Variants in NOA1 observed in about 807,000 individuals in gnomAD.
The protein encoded by NOA1 is nitric oxide-associated protein 1.
Under a neutral mutation model 58.4 loss-of-function variants are expected in NOA1, and 35 were observed. The observed-to-expected ratio is 0.60, with a 90% confidence interval of 0.46 to 0.79. NOA1 has a LOEUF of 0.79. NOA1 is among the 30% of genes least tolerant of loss of function. The pLI is 0.00. For synonymous variants in NOA1, 397 were observed against 373.4 expected, an observed-to-expected ratio of 1.06 and a Z score of -0.73; for missense variants, 895 against 894.6, an observed-to-expected ratio of 1.00 and a Z score of -0.01.
intron 5 of NOA1, among the ~76,000 whole-genome samples, chr4:56,965,365 A>G (rs1194494821): frequency 1.3e-5 from 2 of 152,124 alleles, no homozygotes; most frequent in Non-Finnish European, 2.9e-5. Context: ...CACTAAGAAC[A>G]CAAAGATAGA....
chr4:56,967,219 A>C (rs972477802), intron 4 of NOA1, among the ~76,000 whole-genome samples: 4 of 151,980 alleles, frequency 2.6e-5, no homozygotes, highest in African/African-American at 9.7e-5. Flanking sequence ...GTCTCTATAA[A>C]AAATACAAAA....
In NOA1 at chr4:56,977,501, C is replaced by G; in HGVS notation, c.85G>C (p.Glu29Gln). 1.2e-6 allele frequency: 2 copies of G among 1,613,646 alleles called. No homozygotes were observed. The highest frequency in any genetic ancestry group is 1.1e-5 in the South Asian group (1 of 91,080). The change falls in exon 1 of 7, where the codon GAG becomes CAG. Residue 29 changes from glutamate to glutamine, a missense_variant. Transcript: ENST00000264230. The part of the protein sequence containing the change: ...APTAARHGLR[E>Q]PLLERRCAAA... ...GCGCACCTCCTCTCCAGGAGCGGCT[C>G]CCGGAGGCCATGGCGCGCTGCCGTG...
chr4:56,975,006 GA>G (rs1182290583), intron 1 of NOA1, among the ~76,000 whole-genome samples: 1 of 149,078 alleles, frequency 6.7e-6, no homozygotes, highest in Non-Finnish European at 1.5e-5. Flanking sequence ...CCTGGCCACA[GA>G]AGTTTCTTAA....
intron 4 of NOA1, 27 bp from the exon 5 acceptor site, chr4:56,966,763 C>T: frequency 2.0e-6 from 3 of 1,482,022 alleles, no homozygotes; most frequent in Non-Finnish European, 2.8e-6. Flanking sequence ...GTTATCTGAC[C>T]TGGTGAAAAA....
intron 3 of NOA1, 84 bp from the exon 4 acceptor site, chr4:56,968,599 A>T: frequency 1.8e-6 from 2 of 1,142,470 alleles, no homozygotes; most frequent in Non-Finnish European, 2.5e-6. Flanking sequence ...ATAAAAAGTG[A>T]TGAAAAATAT....
chr4:56,966,898 A>G (rs1721721638), intron 4 of NOA1, among the ~76,000 whole-genome samples, 162 bp from the exon 5 acceptor site: 1 of 152,214 alleles, frequency 6.6e-6, no homozygotes, highest in South Asian at 2.1e-4. Flanking sequence ...ATTATTACTA[A>G]GAACAGGGGC....
In NOA1 at chr4:56,963,648, T is replaced by TA; in HGVS notation, c.1898dup (p.Thr634AsnfsTer3). On this transcript the variant is annotated frameshift_variant, in exon 7 of 7. Transcript: ENST00000264230. LOFTEE classifies it high-confidence loss of function. Reference sequence around the variant, plus strand: ...GCAGTCTGTCCTTAAAATTAGGTGTTACTGAAACCCAACCTATGCAGGCAT... The same window carrying TA: ...GCAGTCTGTCCTTAAAATTAGGTGTTAACTGAAACCCAACCTATGCAGGCAT... The TA allele has an allele frequency of 6.2e-7, 1 of 1,614,036 alleles. No homozygotes were observed. Among genetic ancestry groups the TA allele is most frequent in the Non-Finnish European group, 8.5e-7 (1 of 1,179,954 alleles).
rs750852463 is a variant in NOA1 at position 56,968,524 on chromosome 4, C to G, written c.1516-9G>C. On this transcript the variant is annotated splice_polypyrimidine_tract_variant and intron_variant, in intron 3 of 6. Transcript: ENST00000264230. ...GTTAGAAGATTTAAAATCTGTGAAG[C>G]AAATGGCAGATTTTTAAGAAAATAC... The G allele has an allele frequency of 2.6e-6, 4 of 1,553,296 alleles. No homozygotes were observed. In the Admixed American group the frequency reaches 7.8e-5, roughly 30 times the overall value.
chr4:56,968,900 A>C (rs1434449575), intron 3 of NOA1, among the ~76,000 whole-genome samples: 1 of 152,230 alleles, frequency 6.6e-6, no homozygotes, highest in Non-Finnish European at 1.5e-5. Context: ...CGCTTAAAGT[A>C]ATGGTATACG....
rs141467031 is a variant in NOA1, at chr4:56,963,710, T to C, written c.1886-49A>G. Reference sequence around the variant, plus strand: ...CAAAAGGCTGTTAGCAATCATCTTATTAAAAATACCAAACCAAAGCTGAAA... The same window carrying C: ...CAAAAGGCTGTTAGCAATCATCTTACTAAAAATACCAAACCAAAGCTGAAA... On this transcript the variant is annotated intron_variant, in intron 6 of 6. Transcript: ENST00000264230. The C allele has an allele frequency of 8.1e-5, 117 of 1,440,964 alleles. No homozygotes were observed. The African/African-American group carries it at 1.4e-3, about 17-fold the overall frequency. 89.3% of individuals were successfully genotyped at this position (1,440,964 alleles called of 1,614,324 possible). A position where few individuals can be genotyped will look rare whatever the true frequency, so the allele number is the denominator to read the frequency against.
At chr4:56,969,635 AAAT>A (rs777122217) in intron 3 of NOA1, among the ~76,000 whole-genome samples, 10 of 152,124 alleles carry the variant, frequency 6.6e-5, no homozygotes, top group Admixed American at 1.3e-4. Context: ...GCTCACAAAA[AAAT>A]AATAAGGGGG....
At position 56,975,992 on chromosome 4, in the gene NOA1, A is replaced by T. The variant is rs6846308; in HGVS notation, c.1144+450T>A. 1.4e-3 allele frequency among the ~76,000 whole-genome samples: 211 copies of T among 152,274 alleles called. 2 individuals are homozygous for T. Among genetic ancestry groups the T allele is most frequent in the African/African-American group, 4.8e-3 (201 of 41,546 alleles). On this transcript the variant is annotated intron_variant, in intron 1 of 6. Coordinates refer to ENST00000264230, the MANE Select transcript of NOA1 (RefSeq NM_032313.4). The stretch of plus-strand genomic sequence containing the variant: ...AACCCGGGAGGCGGAGGTTGCAGTG[A>T]GCCGAGATCACGCCACTGCACTCCA...
intron 1 of NOA1, among the ~76,000 whole-genome samples, chr4:56,975,397 G>A (rs976692234): frequency 2.0e-5 from 3 of 151,926 alleles, no homozygotes; most frequent in East Asian, 4.0e-4. Flanking sequence ...TTGGGAGGAC[G>A]AGGTGGGCAG....
intron 2 of NOA1, 85 bp from the exon 3 acceptor site, chr4:56,973,438 T>C: frequency 1.7e-6 from 2 of 1,151,458 alleles, no homozygotes; most frequent in Non-Finnish European, 2.6e-6. Flanking sequence ...CTCAAACAAG[T>C]TACTAAGATT....
rs991640958 is a variant in NOA1 at position 56,977,243 on chromosome 4, G to C, written c.343C>G (p.Gln115Glu). The C allele has an allele frequency of 6.3e-7, 1 of 1,598,864 alleles. No homozygotes were observed. The highest frequency in any genetic ancestry group is 8.5e-7 in the Non-Finnish European group (1 of 1,173,792). The change falls in exon 1 of 7, where the codon CAA becomes GAA. Residue 115 changes from glutamine (Q) to glutamate (E), a missense_variant. Coordinates refer to ENST00000264230, the MANE Select transcript of NOA1 (RefSeq NM_032313.4). ...TCCCGGGACCTGGCCCGTAGGTTTT[G>C]CTGTCGCCGCTCCTCCCGCCGCTGC... is the stretch of plus-strand genomic sequence containing the variant. ...RQQRREERRQ[Q>E]NLRARSREHP...
rs772342772 is a variant in NOA1, at chr4:56,976,889, C to G, written c.697G>C (p.Asp233His). 1.9e-6 allele frequency: 3 copies of G among 1,612,808 alleles called. No homozygotes were observed. The East Asian group carries it at 6.7e-5, about 36-fold the overall frequency. The change falls in exon 1 of 7, where the codon GAC becomes CAC. Residue 233 changes from aspartate (D) to histidine (H), a missense_variant. Transcript: ENST00000264230. ...TTGGGGCCCACCAGCGCGGGCAAGT[C>G]GGGCAGCAGGGCGTCGGGCAGGTCC... ...LLDLPDALLP[D>H]LPALVGPKQL... is the part of the protein sequence containing the mutation.
At chr4:56,965,834 C>CTTTTT (rs1203066922) in intron 5 of NOA1, among the ~76,000 whole-genome samples, 2 of 90,636 alleles carry the variant, frequency 2.2e-5, no homozygotes, top group Non-Finnish European at 2.4e-5. Flanking sequence ...TTAAATTTTC[C>CTTTTT]CTTTTTTTTT....
chr4:56,973,980 G>A lies in NOA1; in HGVS notation c.1187C>T (p.Thr396Ile), dbSNP rs749608492. ...ATGCCTTTTAAACATTCTGTAAGGA[G>A]TTGGGTTGCAAATAGGAAACTTCAG... The part of the protein sequence containing the change: ...NLLKFPICNP[T>I]PYRMFKRHQR... The change falls in exon 2 of 7, where the codon ACT becomes ATT. Residue 396 changes from threonine (T) to isoleucine (I), a missense_variant. Thr to Ile is a moderately conservative substitution (Grantham distance 89). Transcript: ENST00000264230. 4 of 1,613,758 alleles carry A rather than the reference G, an allele frequency of 2.5e-6. No homozygotes were observed. The highest frequency in any genetic ancestry group is 3.3e-5 in the Admixed American group (2 of 60,006).
chr4:56,977,316 C>G lies in NOA1; in HGVS notation c.270G>C (p.Gln90His). 1 of 1,614,186 alleles carries G rather than the reference C, an allele frequency of 6.2e-7. No homozygotes were observed. Among genetic ancestry groups the G allele is most frequent in the Non-Finnish European group, 8.5e-7 (1 of 1,180,034 alleles). ...DPEPQPTREK[Q>H]LQELQQQQEE... The stretch of plus-strand genomic sequence containing the variant: ...CCTGCTGTTGCTGGAGCTCCTGCAG[C>G]TGCTTTTCGCGGGTGGGTTGCGGCT... The change falls in exon 1 of 7, where the codon CAG (glutamine) becomes CAC (histidine). Residue 90 changes from glutamine to histidine, a missense_variant. By Grantham distance (24) the Gln-to-His change is conservative. Around this residue, in one of 3 missense-constraint regions of NOA1, gnomAD observed 680 missense variants for 656.5 expected, o/e 1.04. Coordinates refer to ENST00000264230, the MANE Select transcript of NOA1 (RefSeq NM_032313.4).
Sources: allele counts gnomAD v4.1 joint callset (sites outside exome capture counted in the v4.1 genomes callset), GRCh38; gene constraint gnomAD v4.1.1; regional missense constraint gnomAD v4.1.1; transcripts MANE v1.5; gene names NCBI Gene and HGNC (gene_info 2026-07-23, HGNC 2026-07-21).